MACROD1: variants seen among roughly 807,000 people sequenced by gnomAD.
MACROD1 encodes ADP-ribose glycohydrolase MACROD1.
In MACROD1, 31 loss-of-function variants were observed where a neutral mutation model predicts 41.4. That is an observed-to-expected ratio of 0.75 (90% confidence interval 0.56 to 1.01). The LOEUF is 1.01. MACROD1 is among the 50% of genes least tolerant of loss of function. MACROD1 has a pLI of 0.00. For synonymous variants in MACROD1, 252 were observed against 203.4 expected, an observed-to-expected ratio of 1.24 and a Z score of -2.03; for missense variants, 473 against 460.0, an observed-to-expected ratio of 1.03 and a Z score of -0.26.
intron 3 of MACROD1, among the ~76,000 whole-genome samples, chr11:64,113,874 G>A (rs867267666): frequency 4.7e-5 from 2 of 42,616 alleles, no homozygotes; most frequent in Non-Finnish European, 1.2e-4. Flanking sequence ...ATTGATACAT[G>A]GATGGATGGA....
intron 3 of MACROD1, among the ~76,000 whole-genome samples, chr11:64,137,473 G>C (rs1945348872): frequency 6.6e-6 from 1 of 152,200 alleles, no homozygotes. Context: ...TGACTTCCAA[G>C]CTTGGAGTTA....
rs537658897 is a variant in MACROD1, at chr11:64,041,812, G to C, written c.518-26531C>G. ...TGGTTCAGGGAATCTGGCTGTTAGG[G>C]GGTGGGTGTCTGGCCCTAGGGACAT... On this transcript the variant is annotated intron_variant, in intron 3 of 10. Transcript: ENST00000255681. Among the ~76,000 whole-genome samples, 10 of 152,306 alleles carry C rather than the reference G, an allele frequency of 6.6e-5. No homozygotes were observed. The South Asian group carries it at 2.1e-3, about 32-fold the overall frequency.
intron 3 of MACROD1, among the ~76,000 whole-genome samples, chr11:64,150,294 G>A (rs1026912808): frequency 6.6e-6 from 1 of 152,234 alleles, no homozygotes; most frequent in Non-Finnish European, 1.5e-5. Context: ...ACAGCGCTGG[G>A]GCCAGGCACG....
intron 3 of MACROD1, among the ~76,000 whole-genome samples, chr11:64,062,272 A>T (rs959701051): frequency 6.6e-6 from 1 of 152,092 alleles, no homozygotes; most frequent in African/African-American, 2.4e-5. Context: ...GGCACACAGT[A>T]GGTGCTCAGT....
intron 3 of MACROD1, among the ~76,000 whole-genome samples, chr11:64,069,216 C>T (rs375464321): frequency 2.0e-5 from 3 of 152,200 alleles, no homozygotes; most frequent in South Asian, 2.1e-4. Flanking sequence ...GCCGGGGGCC[C>T]GAGGTGGGCG....
At chr11:64,018,425 C>T (rs1468784704) in intron 3 of MACROD1, among the ~76,000 whole-genome samples, 1 of 152,200 alleles carries the variant, frequency 6.6e-6, no homozygotes, top group Non-Finnish European at 1.5e-5. Context: ...GCCTCCAAGG[C>T]CGGAGAGCTG....
At chr11:64,098,209 C>G (rs759779288) in intron 3 of MACROD1, among the ~76,000 whole-genome samples, 3 of 152,208 alleles carry the variant, frequency 2.0e-5, no homozygotes, top group East Asian at 1.9e-4. Flanking sequence ...CAGCCTCCCC[C>G]CTGCCCTTGT....
chr11:64,083,188 C>A (rs1162267356), intron 3 of MACROD1: 1 of 152,270 alleles, frequency 6.6e-6, no homozygotes, highest in Admixed American at 6.5e-5. Flanking sequence ...GTAATCCCGG[C>A]ACTTTGGGAG....
chr11:64,102,929 G>A (rs542648623), intron 3 of MACROD1, among the ~76,000 whole-genome samples: 22 of 152,238 alleles, frequency 1.4e-4, no homozygotes, highest in African/African-American at 5.3e-4. Context: ...AAATTAGCCG[G>A]GTGTGGTGGC....
intron 3 of MACROD1, among the ~76,000 whole-genome samples, chr11:64,136,538 G>A (rs1339840300): frequency 6.6e-6 from 1 of 152,192 alleles, no homozygotes; most frequent in Admixed American, 6.5e-5. Context: ...CCTGGAGGCT[G>A]GGGGATGCAC....
chr11:64,065,539 C>A (rs1175063251), intron 3 of MACROD1, among the ~76,000 whole-genome samples: 1 of 152,126 alleles, frequency 6.6e-6, no homozygotes, highest in Non-Finnish European at 1.5e-5. Context: ...CCTGTAATCC[C>A]AGCACTTTGG....
intron 3 of MACROD1, among the ~76,000 whole-genome samples, chr11:64,104,557 G>T (rs592271): frequency 0.47 from 70,834 of 151,808 alleles, 17,317 homozygotes; most frequent in African/African-American, 0.61. Context: ...CCTTGGCGGG[G>T]TGGTGGGCAG....
Position 64,165,900 on chromosome 11 carries a change from G to T in MACROD1, c.95C>A (p.Ala32Glu). 7.3e-7 allele frequency: 1 copy of T among 1,376,658 alleles called. No homozygotes were observed. Among genetic ancestry groups the T allele is most frequent in the Non-Finnish European group, 9.3e-7 (1 of 1,070,462 alleles). The allele number at this position is 1,376,658 out of a possible 1,614,324, so 85.3% of individuals were successfully genotyped here. Reference protein sequence around the residue: ...VPPRPRPGHLAGATRTRSSTC... With the variant: ...VPPRPRPGHLEGATRTRSSTC... ...GCTGCTGCGGGTCCTCGTGGCACCC[G>T]CCAAGTGTCCGGGCCGGGGGCGCGG... The change falls in exon 1 of 11, where the codon GCG becomes GAG. Residue 32 changes from alanine (A) to glutamate (E), a missense_variant. Transcript: ENST00000255681.
chr11:63,998,746 C>G (rs1590784310), intron 10 of MACROD1, 59 bp from the exon 11 acceptor site: 3 of 1,419,822 alleles, frequency 2.1e-6, no homozygotes, highest in Non-Finnish European at 1.8e-6. Flanking sequence ...CAGGCTGCCC[C>G]GTGGTTTCCC....
intron 4 of MACROD1, among the ~76,000 whole-genome samples, chr11:64,002,236 C>T (rs1020339685): frequency 1.1e-4 from 17 of 152,186 alleles, no homozygotes; most frequent in African/African-American, 3.9e-4. Flanking sequence ...ACCGGCTGCT[C>T]GAAGTCTCTG....
chr11:64,140,090 G>A (rs1195144425), intron 3 of MACROD1, among the ~76,000 whole-genome samples: 6 of 152,136 alleles, frequency 3.9e-5, no homozygotes, highest in South Asian at 2.1e-4. Flanking sequence ...GCATGCCAGC[G>A]CCCTCCACCC....
intron 3 of MACROD1, among the ~76,000 whole-genome samples, chr11:64,121,485 T>C (rs1354788687): frequency 6.6e-6 from 1 of 152,210 alleles, no homozygotes; most frequent in East Asian, 1.9e-4. Flanking sequence ...TTTCTGGGCT[T>C]TCCCAGAGGA....
At chr11:64,148,421 C>G (rs993315489) in intron 3 of MACROD1, among the ~76,000 whole-genome samples, 1 of 152,204 alleles carries the variant, frequency 6.6e-6, no homozygotes, top group Non-Finnish European at 1.5e-5. Context: ...CTCCGGCGGG[C>G]GGCCAGATCT....
intron 3 of MACROD1, among the ~76,000 whole-genome samples, chr11:64,108,904 G>A (rs897302805): frequency 2.6e-4 from 39 of 152,228 alleles, no homozygotes; most frequent in African/African-American, 8.9e-4. Context: ...ACCAGTGCCA[G>A]GCCACATGGG....
Sources: allele counts gnomAD v4.1 joint callset (sites outside exome capture counted in the v4.1 genomes callset), GRCh38; gene constraint gnomAD v4.1.1; transcripts MANE v1.5; gene names NCBI Gene and HGNC (gene_info 2026-07-23, HGNC 2026-07-21).